Variants in CDH15 observed in about 807,000 individuals in gnomAD.
CDH15 encodes the protein cadherin-15.
A neutral mutation model predicts 69.4 loss-of-function variants in CDH15; 73 were observed. That is an observed-to-expected ratio of 1.05 (90% CI 0.87 to 1.28). The LOEUF is 1.28. Ranked by LOEUF, CDH15 falls within the 50% of genes most tolerant of loss-of-function variation. The pLI, the probability that CDH15 is intolerant of heterozygous loss-of-function variation, is 0.00. For synonymous variants in CDH15, 624 were observed against 507.7 expected, an observed-to-expected ratio of 1.23 and a Z score of -3.08; for missense variants, 1,343 against 1,133.6, an observed-to-expected ratio of 1.18 and a Z score of -2.65.
intron 8 of CDH15, 72 bp from the exon 9 acceptor site, chr16:89,191,258 C>A: frequency 6.4e-7 from 1 of 1,567,380 alleles, no homozygotes; most frequent in Non-Finnish European, 8.8e-7. Context: ...GCATGTCACG[C>A]ACCCATACCT....
chr16:89,179,677 T>C (rs1915332919), intron 2 of CDH15, 103 bp downstream of exon 2: 1 of 1,222,364 alleles, frequency 8.2e-7, no homozygotes, highest in African/African-American at 1.5e-5. Flanking sequence ...GGGCCCCATT[T>C]CAGGACAGAG....
intron 1 of CDH15, among the ~76,000 whole-genome samples, chr16:89,178,428 T>C (rs951050417): frequency 6.6e-5 from 10 of 152,226 alleles, no homozygotes; most frequent in South Asian, 2.1e-4. Flanking sequence ...AGCTGAAGTA[T>C]TGGGGTGAAG....
chr16:89,192,537 C>A, intron 11 of CDH15, 93 bp downstream of exon 11: 1 of 1,391,132 alleles, frequency 7.2e-7, no homozygotes, highest in South Asian at 1.2e-5. Flanking sequence ...CGCTTCCTCC[C>A]CAGCTCCGCC....
chr16:89,189,258 C>T (rs546662242), intron 7 of CDH15, among the ~76,000 whole-genome samples: 1 of 143,986 alleles, frequency 6.9e-6, no homozygotes, highest in East Asian at 2.2e-4. Context: ...CAGATGCCCA[C>T]ACACATGCCC....
At position 89,179,066 on chromosome 16, in the gene CDH15, G is replaced by T. The variant is rs113988886; in HGVS notation, c.43-350G>T. Among the ~76,000 whole-genome samples, 7 of 152,346 alleles carry T rather than the reference G, an allele frequency of 4.6e-5. 1 individual carries two copies. Among genetic ancestry groups the T allele is most frequent in the African/African-American group, 1.7e-4 (7 of 41,584 alleles). On this transcript the variant is annotated intron_variant, in intron 1 of 13. Transcript: ENST00000289746. ...TCCCAGCCAGAGGCCTGGAACCCTA[G>T]CGCTACCTCCCAGTGGCCCATGCAC...
At chr16:89,179,927 C>T (rs1167002566) in intron 2 of CDH15, among the ~76,000 whole-genome samples, 1 of 152,232 alleles carries the variant, frequency 6.6e-6, no homozygotes, top group Non-Finnish European at 1.5e-5. Flanking sequence ...TGGGCCTCAG[C>T]TTCACATACC....
At chr16:89,171,910 C>T (rs1295823187) in intron 1 of CDH15, 37 bp downstream of exon 1, 2 of 1,535,132 alleles carry the variant, frequency 1.3e-6, no homozygotes, top group South Asian at 1.2e-5. Flanking sequence ...CCCGCTGCCT[C>T]CCTCGACGCT....
chr16:89,188,664 G>C (rs1915554222), intron 7 of CDH15, among the ~76,000 whole-genome samples: 1 of 133,844 alleles, frequency 7.5e-6, no homozygotes, highest in African/African-American at 2.9e-5. Context: ...ACACACAGAT[G>C]CCCACACACA....
chr16:89,192,614 A>C (rs1597312938), intron 11 of CDH15, among the ~76,000 whole-genome samples, 170 bp downstream of exon 11: 1 of 88,660 alleles, frequency 1.1e-5, no homozygotes, highest in Non-Finnish European at 2.3e-5. Flanking sequence ...CTCCTCCCTA[A>C]CCCCGCCCCG....
At chr16:89,174,448 A>G (rs767049477) in intron 1 of CDH15, among the ~76,000 whole-genome samples, 11 of 152,168 alleles carry the variant, frequency 7.2e-5, no homozygotes, top group Non-Finnish European at 1.3e-4. Context: ...TCGGCCCCAG[A>G]ACCGCTCCTC....
chr16:89,190,624 G>A (rs963681238), intron 8 of CDH15, 128 bp downstream of exon 8: 11 of 1,206,002 alleles, frequency 9.1e-6, no homozygotes, highest in Non-Finnish European at 1.3e-5. Flanking sequence ...GGTTCCTGAA[G>A]GTCTGGAGGG....
chr16:89,190,568 C>CAGGGATCA (rs1915616629), intron 8 of CDH15, 72 bp downstream of exon 8: 2 of 1,531,148 alleles, frequency 1.3e-6, no homozygotes, highest in Non-Finnish European at 1.8e-6. Flanking sequence ...TGCCCCTGAT[C>CAGGGATCA]CCTGGGCTCT....
intron 8 of CDH15, among the ~76,000 whole-genome samples, chr16:89,190,705 G>A (rs1915618762): frequency 6.6e-6 from 1 of 152,084 alleles, no homozygotes. Flanking sequence ...CCCAACTCCA[G>A]CCTGTGCACG....
At chr16:89,176,527 C>T (rs1477228604) in intron 1 of CDH15, among the ~76,000 whole-genome samples, 2 of 152,166 alleles carry the variant, frequency 1.3e-5, no homozygotes, top group African/African-American at 4.8e-5. Flanking sequence ...TCACCAGGGC[C>T]GACTCGGTGC....
intron 1 of CDH15, among the ~76,000 whole-genome samples, chr16:89,177,507 G>A (rs1426010625): frequency 1.3e-5 from 2 of 152,076 alleles, no homozygotes; most frequent in African/African-American, 4.8e-5. Flanking sequence ...GAGAAAGGCC[G>A]GGAGCCTGGC....
At chr16:89,172,551 A>C (rs1191987741) in intron 1 of CDH15, among the ~76,000 whole-genome samples, 8 of 152,240 alleles carry the variant, frequency 5.3e-5, no homozygotes, top group African/African-American at 1.9e-4. Flanking sequence ...CCCAGCCCCC[A>C]GAGGCTGCTG....
In CDH15 at chr16:89,188,286, G is replaced by A; in HGVS notation, c.978+1G>A. The A allele has an allele frequency of 6.2e-7, 1 of 1,612,746 alleles. No individual in the cohort carries two copies. The highest frequency in any genetic ancestry group is 8.5e-7 in the Non-Finnish European group (1 of 1,179,688). Reference sequence around the variant, plus strand: ...CGAGGGTGTTCTGTCCATTGTGAAGGTGAGCGGCCCCCGGCTGGCACACAG... The same window carrying A: ...CGAGGGTGTTCTGTCCATTGTGAAGATGAGCGGCCCCCGGCTGGCACACAG... On this transcript the variant is annotated splice_donor_variant, in intron 7 of 13. Transcript: ENST00000289746. LOFTEE classifies it high-confidence loss of function.
Position 89,191,441 on chromosome 16 carries a change from G to A in CDH15, c.1344G>A (p.Trp448Ter), listed in dbSNP as rs1567776334. 1 of 1,612,694 alleles carries A rather than the reference G, an allele frequency of 6.2e-7. No individual in the cohort carries two copies. The highest frequency in any genetic ancestry group is 8.5e-7 in the Non-Finnish European group (1 of 1,179,986). ...CGTCCCCCTTCCTCAAGGGCGGCTGGTACAGAGCCATCGTCCTGGCCCAGG... is the reference window on the plus strand; with the variant it reads ...CGTCCCCCTTCCTCAAGGGCGGCTGATACAGAGCCATCGTCCTGGCCCAGG... ...SPASPFLKGG[W>*]YRAIVLAQDD... The change falls in exon 9 of 14, where the codon TGG (tryptophan) becomes TGA (stop). Residue 448 changes from tryptophan to a stop codon, truncating the protein, a stop_gained. Coordinates refer to ENST00000289746, the MANE Select transcript of CDH15 (RefSeq NM_004933.3). LOFTEE classifies it high-confidence loss of function.
rs1157778057 is a variant in CDH15 at position 89,180,369 on chromosome 16, T to C, written c.357+14T>C. 1 of 1,608,726 alleles carries C rather than the reference T, an allele frequency of 6.2e-7. No individual in the cohort carries two copies. Among genetic ancestry groups the C allele is most frequent in the Non-Finnish European group, 8.5e-7 (1 of 1,178,000 alleles). Reference sequence around the variant, plus strand: ...GATCGCTTCAGGGTGCGGAGCTGCGTGGTCGGACCTGTGCCCCTCAAGCAG... The same window carrying C: ...GATCGCTTCAGGGTGCGGAGCTGCGCGGTCGGACCTGTGCCCCTCAAGCAG... On this transcript the variant is annotated intron_variant, in intron 3 of 13. Transcript: ENST00000289746.
Sources: allele counts gnomAD v4.1 joint callset (sites outside exome capture counted in the v4.1 genomes callset), GRCh38; gene constraint gnomAD v4.1.1; transcripts MANE v1.5; gene names NCBI Gene and HGNC (gene_info 2026-07-23, HGNC 2026-07-21).